Variants in UBE2J2 observed in about 807,000 individuals in gnomAD.
UBE2J2 encodes the protein ubiquitin-conjugating enzyme E2 J2.
Under a neutral mutation model 28.6 loss-of-function variants are expected in UBE2J2, and 5 were observed. That is an observed-to-expected ratio of 0.17 (90% CI 0.09 to 0.37). The LOEUF (loss-of-function observed/expected upper bound fraction) is 0.37. UBE2J2 is among the 10% of genes least tolerant of loss of function. The pLI is 1.00. For synonymous variants in UBE2J2, 138 were observed against 139.7 expected (o/e 0.99, Z 0.09); for missense variants, 226 against 338.9 (o/e 0.67, Z 2.62).
intron 6 of UBE2J2, 116 bp downstream of exon 6, chr1:1,255,929 G>A: frequency 2.5e-6 from 2 of 790,666 alleles, no homozygotes; most frequent in Middle Eastern, 2.3e-4. Flanking sequence ...TGGGGGAGAG[G>A]AGCCATCCCC....
intron 1 of UBE2J2, among the ~76,000 whole-genome samples, chr1:1,271,959 A>G (rs1640165990): frequency 1.5e-5 from 2 of 133,242 alleles, no homozygotes; most frequent in South Asian, 5.2e-4. Flanking sequence ...GGGCAACAAG[A>G]GCGAAACTCC....
chr1:1,260,844 G>T (rs1029844094), intron 3 of UBE2J2, among the ~76,000 whole-genome samples: 1 of 152,250 alleles, frequency 6.6e-6, no homozygotes, highest in African/African-American at 2.4e-5. Flanking sequence ...TTTGCATGTA[G>T]CTTGTGTAGT....
intron 1 of UBE2J2, among the ~76,000 whole-genome samples, chr1:1,270,883 TC>T (rs1640112905): frequency 6.6e-6 from 1 of 151,744 alleles, no homozygotes; most frequent in African/African-American, 2.4e-5. Flanking sequence ...CGTTCCCAAC[TC>T]CCAAGACCCA....
intron 1 of UBE2J2, 105 bp downstream of exon 1, chr1:1,273,561 G>A (rs1369980902): frequency 1.3e-5 from 2 of 151,842 alleles, no homozygotes; most frequent in African/African-American, 2.4e-5. Flanking sequence ...GAACGGAGAA[G>A]CGTCGCGCAG....
At position 1,268,045 on chromosome 1, in the gene UBE2J2, C is replaced by G. The variant is rs1026672699; in HGVS notation, c.1-53G>C. On this transcript the variant is annotated intron_variant, in intron 1 of 6. Coordinates refer to ENST00000349431, the MANE Select transcript of UBE2J2 (RefSeq NM_058167.3). The surrounding 1 kb of genome is among the most constrained non-coding windows in gnomAD (Gnocchi z 4.7). ...ACGAGAAGCAGCGCCGGCCACAGCT[C>G]TCTCCCCTGGCGCAGCCCCACTCCC... 34 of 1,601,894 alleles carry G rather than the reference C, an allele frequency of 2.1e-5. No individual in the cohort carries two copies. The highest frequency in any genetic ancestry group is 2.9e-5 in the Non-Finnish European group (34 of 1,172,344).
At position 1,267,952 on chromosome 1, in the gene UBE2J2, G is replaced by A; in HGVS notation, c.41C>T (p.Thr14Ile). The A allele has an allele frequency of 1.2e-6, 2 of 1,614,084 alleles. No individual in the cohort carries two copies. The highest frequency in any genetic ancestry group is 1.7e-6 in the Non-Finnish European group (2 of 1,179,988). The change falls in exon 2 of 7, where the codon ACC (threonine) becomes ATC (isoleucine). Residue 14 changes from threonine (T) to isoleucine (I), a missense_variant. Physicochemically the swap from Thr to Ile is moderately conservative, Grantham distance 89. This residue lies in a region of UBE2J2 where 80 missense variants were observed against 114.5 expected (regional missense o/e 0.70). Coordinates refer to ENST00000349431, the MANE Select transcript of UBE2J2 (RefSeq NM_058167.3). ...AAGGTAGTCCTGCTTCAGCCTCTGGGTTGCCGTGGTCGGAGCCCTCTTACT... is the reference window on the plus strand; with the variant it reads ...AAGGTAGTCCTGCTTCAGCCTCTGGATTGCCGTGGTCGGAGCCCTCTTACT... The part of the protein sequence containing the change: ...TSSKRAPTTA[T>I]QRLKQDYLRI...
intron 3 of UBE2J2, chr1:1,262,514 T>C: frequency 3.1e-6 from 1 of 327,382 alleles, no homozygotes; most frequent in South Asian, 2.2e-5. Context: ...GTTGCAAACC[T>C]TCTTCTAGCA....
intron 3 of UBE2J2, 73 bp downstream of exon 3, chr1:1,263,273 A>T: frequency 7.3e-7 from 1 of 1,366,010 alleles, no homozygotes; most frequent in Non-Finnish European, 1.0e-6. Context: ...CAAATAAAAG[A>T]TGTTGAACAG....
intron 1 of UBE2J2, among the ~76,000 whole-genome samples, chr1:1,270,118 C>A (rs1191590387): frequency 6.6e-6 from 1 of 152,174 alleles, no homozygotes; most frequent in Non-Finnish European, 1.5e-5. Context: ...TGCCTCTTCC[C>A]CTTCCGCCAT....
rs1394657428 is a variant in UBE2J2 at position 1,268,929 on chromosome 1, A to G, written c.1-937T>C. Among the ~76,000 whole-genome samples, 1 of 152,012 alleles carries G rather than the reference A, an allele frequency of 6.6e-6. No individual in the cohort carries two copies. Among genetic ancestry groups the G allele is most frequent in the African/African-American group, 2.4e-5 (1 of 41,374 alleles). On this transcript the variant is annotated intron_variant, in intron 1 of 6. Coordinates refer to ENST00000349431, the MANE Select transcript of UBE2J2 (RefSeq NM_058167.3). The surrounding 1 kb of genome is among the most constrained non-coding windows in gnomAD (Gnocchi z 4.7). Reference sequence around the variant, plus strand: ...TGGCCTCAACTGATTCTCAGGCCTCAGCCTCCGGAAGTGCTGGAATCACAG... The same window carrying G: ...TGGCCTCAACTGATTCTCAGGCCTCGGCCTCCGGAAGTGCTGGAATCACAG...
intron 6 of UBE2J2, 25 bp from the exon 7 acceptor site, chr1:1,255,512 C>G: frequency 6.3e-7 from 1 of 1,593,192 alleles, no homozygotes. Context: ...GCGAGAAAAG[C>G]AGCTGGTCTC....
intron 3 of UBE2J2, chr1:1,263,103 T>C: frequency 2.1e-6 from 1 of 478,672 alleles, no homozygotes; most frequent in East Asian, 3.3e-5. Flanking sequence ...TATGGCCCTA[T>C]GGTGTCAGAG....
At chr1:1,272,058 G>A (rs1028412954) in intron 1 of UBE2J2, among the ~76,000 whole-genome samples, 4 of 151,558 alleles carry the variant, frequency 2.6e-5, no homozygotes, top group South Asian at 2.1e-4. Context: ...GGAGGCTGAG[G>A]TGGGAGAATT....
chr1:1,265,951 T>C lies in UBE2J2; in HGVS notation c.131+1911A>G, dbSNP rs537509925. On this transcript the variant is annotated intron_variant, in intron 2 of 6. Coordinates refer to ENST00000349431, the MANE Select transcript of UBE2J2 (RefSeq NM_058167.3). ...CCTGGACTTCTCTCCGTAATTTTAA[T>C]GGTGAGTATTCTTTGTGAATCATCG... 2.5e-5 allele frequency: 23 copies of C among 929,062 alleles called. No homozygotes were observed. In the Middle Eastern group the frequency reaches 8.0e-4, roughly 32 times the overall value. 57.6% of individuals were successfully genotyped at this position (929,062 alleles called of 1,614,324 possible). A position where few individuals can be genotyped will look rare whatever the true frequency, so the allele number is the denominator to read the frequency against.
chr1:1,272,549 G>C (rs1640206111), intron 1 of UBE2J2, among the ~76,000 whole-genome samples: 1 of 152,182 alleles, frequency 6.6e-6, no homozygotes, highest in Admixed American at 6.5e-5. Context: ...GACTGCTCCG[G>C]AGGCTGGACG....
chr1:1,258,039 T>C (rs1162441014), intron 3 of UBE2J2, among the ~76,000 whole-genome samples: 1 of 151,822 alleles, frequency 6.6e-6, no homozygotes, highest in East Asian at 1.9e-4. Context: ...TTTTTTTTGT[T>C]TTGTTTTGTT....
At chr1:1,270,233 T>C (rs1640080108) in intron 1 of UBE2J2, among the ~76,000 whole-genome samples, 1 of 152,186 alleles carries the variant, frequency 6.6e-6, no homozygotes, top group African/African-American at 2.4e-5. Flanking sequence ...TATAGCAGCA[T>C]GAGAACCAAC....
At chr1:1,269,064 G>T (rs1176753358) in intron 1 of UBE2J2, among the ~76,000 whole-genome samples, 1 of 152,130 alleles carries the variant, frequency 6.6e-6, no homozygotes, top group Non-Finnish European at 1.5e-5. Flanking sequence ...GGACGTTCAA[G>T]ACAGCACTGA....
Position 1,255,403 on chromosome 1 carries a change from C to T in UBE2J2, c.580G>A (p.Glu194Lys), listed in dbSNP as rs916579925. 2 of 1,613,926 alleles carry T rather than the reference C, an allele frequency of 1.2e-6. No homozygotes were observed. The highest frequency in any genetic ancestry group is 8.5e-7 in the Non-Finnish European group (1 of 1,180,030). Residue 194 changes from glutamate (E) to lysine (K), a missense_variant, in exon 7 of 7, where the codon GAG becomes AAG. Coordinates refer to ENST00000349431, the MANE Select transcript of UBE2J2 (RefSeq NM_058167.3). Reference protein sequence around the residue: ...LPLPDVVPDGETHLVQNGIQL... With the variant: ...LPLPDVVPDGKTHLVQNGIQL... ...ATCCCGTTCTGGACGAGGTGCGTCT[C>T]CCCGTCTGGAACCACGTCTGGCAAG...
Sources: gnomAD v4.1 joint callset for allele counts (sites outside exome capture counted in the v4.1 genomes callset) on GRCh38, gnomAD v4.1.1 for gene constraint, gnomAD v4.1.1 regional missense constraint, Gnocchi (gnomAD v3.1) non-coding constraint, MANE v1.5 for transcripts, NCBI Gene and HGNC (gene_info 2026-07-23, HGNC 2026-07-21) for gene names.